The following ST7 variants were observed in gnomAD, a reference collection of about 807,000 sequenced individuals.
ST7 encodes suppressor of tumorigenicity 7 protein.
A neutral mutation model predicts 78.7 loss-of-function variants in ST7; 28 were observed. That is an observed-to-expected ratio of 0.36 (90% confidence interval 0.26 to 0.49). ST7 has a LOEUF of 0.49. Ranked by LOEUF, ST7 falls within the 20% of genes least tolerant of loss-of-function variation. ST7 has a pLI of 0.99. For missense variants in ST7, 418 were observed against 696.0 expected, an observed-to-expected ratio of 0.60 and a Z score of 4.49; for synonymous variants, 247 against 249.6, an observed-to-expected ratio of 0.99 and a Z score of 0.10.
rs1804258040 is a variant in ST7 at position 117,130,483 on chromosome 7, C to T, written c.450-8C>T. Reference sequence around the variant, plus strand: ...AAAGTGTCTAATCATCTTATTTCTCCTTTGCAGGTATACTTGGGTGACAGG... The same window carrying T: ...AAAGTGTCTAATCATCTTATTTCTCTTTTGCAGGTATACTTGGGTGACAGG... On this transcript the variant is annotated splice_region_variant and splice_polypyrimidine_tract_variant and intron_variant, in intron 4 of 15. Coordinates refer to ENST00000323984, the MANE Select transcript of ST7 (RefSeq NM_001369598.1). The T allele has an allele frequency of 1.3e-6, 2 of 1,596,334 alleles. No individual in the cohort carries two copies. The highest frequency in any genetic ancestry group is 1.3e-5 in the African/African-American group (1 of 74,148).
At chr7:117,117,473 A>T (rs145635396) in intron 2 of ST7, among the ~76,000 whole-genome samples, 1 of 152,288 alleles carries the variant, frequency 6.6e-6, no homozygotes, top group Non-Finnish European at 1.5e-5. Context: ...CAGAAAAATG[A>T]CTTGGGGCAC....
intron 1 of ST7, among the ~76,000 whole-genome samples, chr7:116,999,808 C>CTTTTTT (rs71148356): frequency 0.02 from 2,051 of 104,162 alleles, 11 homozygotes; most frequent in Non-Finnish European, 0.026. Context: ...AATTTTCTTT[C>CTTTTTT]TTTTTTTTTT....
At chr7:116,972,554 C>A in intron 1 of ST7, 1 of 1,365,096 alleles carries the variant, frequency 7.3e-7, no homozygotes, top group Non-Finnish European at 1.0e-6. Flanking sequence ...TTTGCCTCTT[C>A]TGCAATGTGC....
intron 1 of ST7, among the ~76,000 whole-genome samples, chr7:117,044,940 C>A (rs149775526): frequency 2.2e-4 from 34 of 152,276 alleles, no homozygotes; most frequent in Admixed American, 3.3e-4. Flanking sequence ...GCCTCTCCCC[C>A]CTACTACTCA....
chr7:117,219,157 A>C lies in ST7; in HGVS notation c.1479A>C (p.Ala493=). 6.2e-7 allele frequency: 1 copy of C among 1,613,192 alleles called. No homozygotes were observed. The highest frequency in any genetic ancestry group is 1.1e-5 in the South Asian group (1 of 90,852). Residue 493 remains alanine, a synonymous_variant, in exon 14 of 16, where the codon GCA becomes GCC. Transcript: ENST00000323984. The surrounding 1 kb of genome is among the most constrained non-coding windows in gnomAD (Gnocchi z 5.1). ...FYPYPICTET[A]DRELLPSFHE... ...CTTACCCAATCTGTACAGAAACAGC[A>C]GACCGAGAGCTGCTTCCATGTAAGT...
In ST7 at chr7:117,187,053, A is replaced by G. The variant is rs547906201; in HGVS notation, c.1079-2268A>G. Among the ~76,000 whole-genome samples, 11 of 152,326 alleles carry G rather than the reference A, an allele frequency of 7.2e-5. No homozygotes were observed. In the South Asian group the frequency reaches 2.3e-3, roughly 32 times the overall value. Reference sequence around the variant, plus strand: ...AACCAAAACCTATTTGAACAACAAGATGCTCTATGTGAAGGGAAATTTAGG... The same window carrying G: ...AACCAAAACCTATTTGAACAACAAGGTGCTCTATGTGAAGGGAAATTTAGG... On this transcript the variant is annotated intron_variant, in intron 10 of 15. Transcript: ENST00000323984.
chr7:116,956,737 A>T, intron 1 of ST7: 1 of 439,248 alleles, frequency 2.3e-6, no homozygotes, highest in Admixed American at 2.7e-5. Flanking sequence ...AATGAGCTTA[A>T]CTCGATTTTT....
chr7:117,224,213 G>A (rs1177267508), intron 15 of ST7, among the ~76,000 whole-genome samples: 1 of 152,092 alleles, frequency 6.6e-6, no homozygotes, highest in African/African-American at 2.4e-5. Flanking sequence ...TCTATATTGA[G>A]GGTACACCAA....
At chr7:117,115,593 A>G (rs1376162310) in intron 2 of ST7, among the ~76,000 whole-genome samples, 1 of 152,064 alleles carries the variant, frequency 6.6e-6, no homozygotes, top group Non-Finnish European at 1.5e-5. Context: ...ACCTCAGGTG[A>G]TCTGCCCGCC....
intron 10 of ST7, among the ~76,000 whole-genome samples, chr7:117,186,435 C>T (rs73211939): frequency 0.13 from 19,124 of 152,174 alleles, 1,335 homozygotes; most frequent in Non-Finnish European, 0.16. Context: ...ATATGCTGGA[C>T]GAAGGGATGA....
Position 117,219,096 on chromosome 7 carries a change from T to A in ST7, c.1418T>A (p.Ile473Asn). The A allele has an allele frequency of 6.2e-7, 1 of 1,611,812 alleles. No individual in the cohort carries two copies. Among genetic ancestry groups the A allele is most frequent in the East Asian group, 2.2e-5 (1 of 44,728 alleles). The change falls in exon 14 of 16, where the codon ATC becomes AAC. Residue 473 changes from isoleucine (I) to asparagine (N), a missense_variant. Ile to Asn is a moderately radical substitution (Grantham distance 149). Transcript: ENST00000323984. This position sits in a 1 kb window ranked among gnomAD's most constrained non-coding sequence, Gnocchi z 5.1. ...HCTWEGTFRM[I>N]PYPLEKGHLF... ...TTCTCGTTTTCAGCTTTTCGGATGA[T>A]CCCTTATCCCTTGGAAAAGGGGCAC...
chr7:117,184,373 G>T (rs1809044294), intron 10 of ST7, among the ~76,000 whole-genome samples: 1 of 152,180 alleles, frequency 6.6e-6, no homozygotes, highest in African/African-American at 2.4e-5. Flanking sequence ...GAGTCAGTGT[G>T]TTCATACAAA....
chr7:117,202,366 C>T (rs997851419), intron 12 of ST7, among the ~76,000 whole-genome samples: 1 of 152,190 alleles, frequency 6.6e-6, no homozygotes, highest in South Asian at 2.1e-4. Flanking sequence ...AGCTCCAGAC[C>T]TGAAGACCCA....
intron 1 of ST7, among the ~76,000 whole-genome samples, chr7:116,960,318 T>C (rs978234068): frequency 1.3e-5 from 2 of 152,218 alleles, no homozygotes; most frequent in African/African-American, 4.8e-5. Context: ...CCCTCCCAAG[T>C]AGCTGGGATT....
At chr7:117,070,685 C>T (rs1460571838) in intron 1 of ST7, among the ~76,000 whole-genome samples, 1 of 151,836 alleles carries the variant, frequency 6.6e-6, no homozygotes, top group Non-Finnish European at 1.5e-5. Flanking sequence ...GGACTACAGG[C>T]GCCCGCCACC....
chr7:116,966,973 A>C (rs936378308), intron 1 of ST7, among the ~76,000 whole-genome samples: 2 of 152,172 alleles, frequency 1.3e-5, no homozygotes, highest in East Asian at 1.9e-4. Flanking sequence ...AGGATGTAAA[A>C]TTTTCAAATC....
At chr7:117,021,753 T>G (rs1387280493) in intron 1 of ST7, among the ~76,000 whole-genome samples, 1 of 152,230 alleles carries the variant, frequency 6.6e-6, no homozygotes, top group Non-Finnish European at 1.5e-5. Flanking sequence ...ACTACCACAT[T>G]GCCTAATCAA....
intron 6 of ST7, among the ~76,000 whole-genome samples, chr7:117,133,007 G>A (rs773561837): frequency 2.6e-5 from 4 of 151,876 alleles, no homozygotes; most frequent in Admixed American, 6.6e-5. Context: ...AATGCCAATC[G>A]TAGCTGCGGA....
At position 117,178,978 on chromosome 7, in the gene ST7, CT is replaced by C. The variant is rs769184220; in HGVS notation, c.1078+8005del. Among the ~76,000 whole-genome samples the C allele has an allele frequency of 1.2e-4, 19 of 152,218 alleles. No homozygotes were observed. The East Asian group carries it at 3.7e-3, about 29-fold the overall frequency. On this transcript the variant is annotated intron_variant, in intron 10 of 15. Transcript: ENST00000323984. ...AAGGAGCCAGAAGAGGTGTGGTTTT[CT>C]TTGTTTTTTCTACTTTTCTTCAACC...
Sources: gnomAD v4.1 joint callset for allele counts (sites outside exome capture counted in the v4.1 genomes callset) on GRCh38, gnomAD v4.1.1 for gene constraint, Gnocchi (gnomAD v3.1) non-coding constraint, MANE v1.5 for transcripts, NCBI Gene and HGNC (gene_info 2026-07-23, HGNC 2026-07-21) for gene names.